ZFAND3: variants seen among roughly 807,000 people sequenced by gnomAD.
ZFAND3 encodes the protein zinc finger AN1-type containing 3, also known as AN1-type zinc finger protein 3.
In ZFAND3, 10 loss-of-function variants were observed where a neutral mutation model predicts 29.6. The ratio of observed to expected loss-of-function variants is 0.34; its 90% CI spans 0.21 to 0.57. The LOEUF (loss-of-function observed/expected upper bound fraction) is 0.57. Ranked by LOEUF, ZFAND3 falls within the 20% of genes least tolerant of loss-of-function variation. The pLI is 0.86. For missense variants in ZFAND3, 230 were observed against 304.5 expected, an observed-to-expected ratio of 0.76 and a Z score of 1.82; for synonymous variants, 128 against 112.6, an observed-to-expected ratio of 1.14 and a Z score of -0.87.
intron 4 of ZFAND3, among the ~76,000 whole-genome samples, chr6:38,086,659 C>T (rs1355761911): frequency 1.3e-5 from 2 of 152,116 alleles, no homozygotes; most frequent in Non-Finnish European, 2.9e-5. Context: ...CAAGTTATAC[C>T]TTCAGCTAAT....
chr6:38,029,718 G>C (rs1370291369), intron 2 of ZFAND3, among the ~76,000 whole-genome samples: 1 of 152,080 alleles, frequency 6.6e-6, no homozygotes, highest in East Asian at 1.9e-4. Flanking sequence ...GTAACCTTTA[G>C]TCATCAGGGA....
chr6:37,896,568 T>TTCTTTCTTTCTTTCTTTCTTTCTC lies in ZFAND3; in HGVS notation c.72-33388_72-33387insTTCTTTCTTTCTTTCTTTCTCTCT, dbSNP rs1347314739. On this transcript the variant is annotated intron_variant, in intron 1 of 5. Transcript: ENST00000287218. ...TTTCTTTCTTTCTTTCTTTCTTTCT[T>TTCTTTCTTTCTTTCTTTCTTTCTC]TCTCTCTTTCTCTCTCTTTCTCTTT... Among the ~76,000 whole-genome samples, 8 of 145,746 alleles carry TTCTTTCTTTCTTTCTTTCTTTCTC rather than the reference T, an allele frequency of 5.5e-5. 1 individual carries two copies. The East Asian group carries it at 1.5e-3, about 27-fold the overall frequency.
chr6:38,102,150 T>G (rs1037271393), intron 4 of ZFAND3, among the ~76,000 whole-genome samples: 12 of 152,232 alleles, frequency 7.9e-5, no homozygotes, highest in Non-Finnish European at 1.3e-4. Flanking sequence ...CTCCTTCATC[T>G]TCTTCTTCTT....
chr6:38,061,892 C>A, intron 3 of ZFAND3, 117 bp downstream of exon 3: 1 of 1,253,630 alleles, frequency 8.0e-7, no homozygotes, highest in Non-Finnish European at 1.1e-6. Flanking sequence ...AGATAAGTGT[C>A]CACATACAAG....
chr6:37,848,978 A>G (rs1042688188), intron 1 of ZFAND3, among the ~76,000 whole-genome samples: 3 of 152,126 alleles, frequency 2.0e-5, no homozygotes, highest in African/African-American at 7.2e-5. Context: ...TTTAAACATC[A>G]TGTTTTTCTG....
rs73419432 is a variant in ZFAND3 at position 37,874,133 on chromosome 6, C to T, written c.71+54117C>T. ...CAGGCAGTGAAGGAAGGATGTTTTC[C>T]AGGACCTTCTTCTTGGTTTGTAGAT... On this transcript the variant is annotated intron_variant, in intron 1 of 5. Transcript: ENST00000287218. 1.4e-3 allele frequency among the ~76,000 whole-genome samples: 218 copies of T among 152,194 alleles called. 1 individual carries two copies. Among genetic ancestry groups the T allele is most frequent in the African/African-American group, 4.4e-3 (181 of 41,506 alleles).
At chr6:38,028,803 T>C (rs1763495940) in intron 2 of ZFAND3, among the ~76,000 whole-genome samples, 1 of 152,242 alleles carries the variant, frequency 6.6e-6, no homozygotes, top group Non-Finnish European at 1.5e-5. Flanking sequence ...ATTTCCTGTA[T>C]TCTATGTAGA....
At chr6:37,850,997 G>A (rs374997888) in intron 1 of ZFAND3, among the ~76,000 whole-genome samples, 3 of 149,246 alleles carry the variant, frequency 2.0e-5, no homozygotes, top group East Asian at 3.9e-4. Context: ...TGCCATCACT[G>A]TCACCCTAAT....
rs1191810759 is a variant in ZFAND3 at position 37,819,804 on chromosome 6, TCGCGCCCGCCCG to T, written c.-132_-121del. ...GGAATCCCGGCTCCGAGCCCCGGAC[TCGCGCCCGCCCG>T]CGCGCCCGCTCCTTCCCCCTCCCCC... On this transcript the variant is annotated 5_prime_UTR_variant, in exon 1 of 6. Coordinates refer to ENST00000287218, the MANE Select transcript of ZFAND3 (RefSeq NM_021943.3). 61 of 474,994 alleles carry T rather than the reference TCGCGCCCGCCCG, an allele frequency of 1.3e-4. No homozygotes were observed. The highest frequency in any genetic ancestry group is 4.0e-4 in the Admixed American group (7 of 17,420). 29.4% of individuals were successfully genotyped at this position (474,994 alleles called of 1,614,324 possible).
intron 1 of ZFAND3, among the ~76,000 whole-genome samples, chr6:37,855,453 C>T (rs1349630440): frequency 2.0e-5 from 3 of 151,960 alleles, no homozygotes; most frequent in Non-Finnish European, 4.4e-5. Flanking sequence ...CGCCTGGCAG[C>T]AATTGAAATT....
At chr6:37,994,962 T>C (rs906670374) in intron 2 of ZFAND3, among the ~76,000 whole-genome samples, 3 of 152,176 alleles carry the variant, frequency 2.0e-5, no homozygotes, top group Admixed American at 6.5e-5. Context: ...AAGAGTGTTA[T>C]GTTTGGCTGA....
intron 1 of ZFAND3, among the ~76,000 whole-genome samples, chr6:37,913,054 A>G (rs1049990728): frequency 6.6e-6 from 1 of 152,248 alleles, no homozygotes; most frequent in Non-Finnish European, 1.5e-5. Context: ...GCTAACAATC[A>G]TCCAAACCTT....
intron 3 of ZFAND3, among the ~76,000 whole-genome samples, chr6:38,065,264 G>A (rs1284197540): frequency 6.6e-6 from 1 of 151,478 alleles, no homozygotes; most frequent in Non-Finnish European, 1.5e-5. Flanking sequence ...GCAGTGAGCC[G>A]AGATCACTCC....
At chr6:38,145,203 ACCAGCGGACG>A (rs1487568393) in intron 5 of ZFAND3, among the ~76,000 whole-genome samples, 2 of 152,200 alleles carry the variant, frequency 1.3e-5, no homozygotes, top group Non-Finnish European at 2.9e-5. Context: ...GGGGAAGGGA[ACCAGCGGACG>A]CTACTTGACT....
chr6:37,834,486 T>C (rs1763926251), intron 1 of ZFAND3, among the ~76,000 whole-genome samples: 1 of 152,182 alleles, frequency 6.6e-6, no homozygotes, highest in South Asian at 2.1e-4. Flanking sequence ...TGTGTGGACA[T>C]AAGTTTTCAG....
intron 4 of ZFAND3, among the ~76,000 whole-genome samples, chr6:38,097,195 C>G (rs895357266): frequency 1.2e-4 from 19 of 152,188 alleles, no homozygotes; most frequent in Non-Finnish European, 1.2e-4. Context: ...CCTACCTCAG[C>G]CTCCTGAGTA....
At chr6:38,097,820 T>C (rs527606447) in intron 4 of ZFAND3, among the ~76,000 whole-genome samples, 2 of 151,924 alleles carry the variant, frequency 1.3e-5, no homozygotes, top group East Asian at 3.9e-4. Flanking sequence ...AACTTAGAGA[T>C]GGAATCAGAA....
intron 1 of ZFAND3, among the ~76,000 whole-genome samples, chr6:37,837,516 T>TG (rs1285426395): frequency 6.6e-6 from 1 of 151,968 alleles, no homozygotes; most frequent in East Asian, 1.9e-4. Flanking sequence ...CTTTTTTTTT[T>TG]TTTTTGAGAT....
chr6:37,993,607 G>A (rs1244258515), intron 2 of ZFAND3, among the ~76,000 whole-genome samples: 1 of 152,146 alleles, frequency 6.6e-6, no homozygotes, highest in African/African-American at 2.4e-5. Context: ...GATTACAGGC[G>A]TGAACCACTG....
Sources: allele counts gnomAD v4.1 joint callset (sites outside exome capture counted in the v4.1 genomes callset), GRCh38; gene constraint gnomAD v4.1.1; transcripts MANE v1.5; gene names NCBI Gene and HGNC (gene_info 2026-07-23, HGNC 2026-07-21).